ADAMTSL1: variants seen among roughly 807,000 people sequenced by gnomAD.
ADAMTSL1 encodes the protein ADAMTS like 1.
Under a neutral mutation model 201.8 loss-of-function variants are expected in ADAMTSL1, and 126 were observed. That is an observed-to-expected ratio of 0.62 (90% confidence interval 0.54 to 0.72). The LOEUF is 0.72. Among genes scored for constraint, ADAMTSL1 ranks in the 30% least tolerant of loss-of-function variants. The probability of loss-of-function intolerance (pLI) is 0.00; values close to 1 mark genes in which losing one functional copy is unlikely to be tolerated. For synonymous variants in ADAMTSL1, 1,121 were observed against 903.4 expected, an observed-to-expected ratio of 1.24 and a Z score of -4.32; for missense variants, 2,679 against 2,277.8, an observed-to-expected ratio of 1.18 and a Z score of -3.59.
chr9:18,729,333 C>T (rs933142874), intron 15 of ADAMTSL1, among the ~76,000 whole-genome samples: 2 of 152,036 alleles, frequency 1.3e-5, no homozygotes, highest in Admixed American at 1.3e-4. Context: ...AGAAAAATAC[C>T]TTGAGTCAAA....
intron 15 of ADAMTSL1, among the ~76,000 whole-genome samples, chr9:18,750,888 A>C (rs1038898017): frequency 3.5e-4 from 54 of 152,214 alleles, no homozygotes; most frequent in African/African-American, 1.3e-3. Flanking sequence ...GGGAGGCTGC[A>C]GTTTCACACA....
intron 5 of ADAMTSL1, among the ~76,000 whole-genome samples, chr9:18,629,907 A>C (rs930919503): frequency 1.3e-5 from 2 of 152,124 alleles, no homozygotes; most frequent in South Asian, 4.1e-4. Context: ...GAACTTATGG[A>C]ACACCATTAT....
intron 2 of ADAMTSL1, among the ~76,000 whole-genome samples, chr9:18,402,228 C>T (rs1229995786): frequency 2.6e-5 from 4 of 152,192 alleles, no homozygotes; most frequent in African/African-American, 9.7e-5. Flanking sequence ...CTCTTCTACA[C>T]CAGCTGCCTA....
At chr9:18,268,818 GCAATTGGGTCATAGTT>G (rs1832241304) in intron 2 of ADAMTSL1, among the ~76,000 whole-genome samples, 1 of 152,090 alleles carries the variant, frequency 6.6e-6, no homozygotes, top group South Asian at 2.1e-4. Flanking sequence ...GGAAATAAAA[GCAATTGGGTCATAGTT>G]CATTAGATTT....
At chr9:18,308,034 G>A (rs1318059540) in intron 2 of ADAMTSL1, among the ~76,000 whole-genome samples, 1 of 152,104 alleles carries the variant, frequency 6.6e-6, no homozygotes, top group Admixed American at 6.5e-5. Flanking sequence ...TCAGGATTCA[G>A]AAACTCACTC....
intron 2 of ADAMTSL1, among the ~76,000 whole-genome samples, chr9:18,280,406 A>C (rs74530913): frequency 6.1e-5 from 4 of 65,652 alleles, no homozygotes; most frequent in African/African-American, 1.1e-4. Context: ...TTATCTCTCA[A>C]AAAAAAAAAA....
Position 18,573,068 on chromosome 9 carries a change from G to C in ADAMTSL1, c.238-962G>C, listed in dbSNP as rs547993079. ...TAGATAATGGCCATTGTTAGCCATA[G>C]TTTTACATTTTAAATTGCCCTTTAT... is the stretch of plus-strand genomic sequence containing the variant. On this transcript the variant is annotated intron_variant, in intron 3 of 28. Transcript: ENST00000380548. 3.3e-5 allele frequency among the ~76,000 whole-genome samples: 5 copies of C among 152,218 alleles called. No individual in the cohort carries two copies. In the South Asian group the frequency reaches 1.0e-3, roughly 32 times the overall value.
intron 1 of ADAMTSL1, among the ~76,000 whole-genome samples, chr9:18,077,603 C>T (rs991578834): frequency 9.2e-5 from 14 of 152,034 alleles, no homozygotes; most frequent in African/African-American, 2.4e-4. Flanking sequence ...TGGTCAGAGG[C>T]CACACTGGAG....
intron 2 of ADAMTSL1, among the ~76,000 whole-genome samples, chr9:18,425,259 TA>T (rs968806960): frequency 4.0e-5 from 6 of 151,834 alleles, no homozygotes; most frequent in Admixed American, 6.6e-5. Flanking sequence ...TGTTCTCACC[TA>T]AAAAAAGAAC....
intron 2 of ADAMTSL1, among the ~76,000 whole-genome samples, chr9:18,334,767 C>T (rs1053023630): frequency 6.6e-6 from 1 of 152,110 alleles, no homozygotes; most frequent in Non-Finnish European, 1.5e-5. Context: ...ATAAAGACTT[C>T]TCTCTTCTTT....
At chr9:18,220,845 G>A (rs1348808338) in intron 2 of ADAMTSL1, among the ~76,000 whole-genome samples, 2 of 151,552 alleles carry the variant, frequency 1.3e-5, no homozygotes, top group African/African-American at 2.4e-5. Flanking sequence ...CATGATCTAG[G>A]CTCACTGCAA....
At chr9:18,378,031 C>A (rs1837382237) in intron 2 of ADAMTSL1, among the ~76,000 whole-genome samples, 1 of 152,126 alleles carries the variant, frequency 6.6e-6, no homozygotes, top group South Asian at 2.1e-4. Flanking sequence ...TTCGATGAGC[C>A]CCCGATGATG....
intron 1 of ADAMTSL1, among the ~76,000 whole-genome samples, chr9:18,058,823 C>G (rs1383228247): frequency 1.3e-5 from 2 of 152,252 alleles, no homozygotes; most frequent in East Asian, 1.9e-4. Context: ...AAATCTTTTA[C>G]AAGAACAATT....
intron 1 of ADAMTSL1, among the ~76,000 whole-genome samples, chr9:17,986,630 A>G (rs902765378): frequency 7.9e-5 from 12 of 152,222 alleles, no homozygotes; most frequent in African/African-American, 2.6e-4. Flanking sequence ...AATGCATTTA[A>G]AATTATGCTA....
chr9:17,980,450 G>A (rs1414158679), intron 1 of ADAMTSL1, among the ~76,000 whole-genome samples: 2 of 151,732 alleles, frequency 1.3e-5, no homozygotes, highest in Non-Finnish European at 2.9e-5. Flanking sequence ...ATGGCCACTG[G>A]GTTTTAATTT....
intron 7 of ADAMTSL1, among the ~76,000 whole-genome samples, chr9:18,641,417 A>C (rs1254637570): frequency 6.6e-6 from 1 of 152,096 alleles, no homozygotes; most frequent in African/African-American, 2.4e-5. Context: ...TGACATCTCT[A>C]TTATACCCAC....
At chr9:18,250,770 C>T (rs73426941) in intron 2 of ADAMTSL1, among the ~76,000 whole-genome samples, 3,130 of 152,162 alleles carry the variant, frequency 0.021, 112 homozygotes, top group African/African-American at 0.071. Flanking sequence ...TTCCACACCC[C>T]GCTCCATGTT....
At chr9:18,765,921 G>A (rs1820329825) in intron 16 of ADAMTSL1, among the ~76,000 whole-genome samples, 1 of 152,132 alleles carries the variant, frequency 6.6e-6, no homozygotes, top group Admixed American at 6.5e-5. Context: ...AGCTGAGAAT[G>A]GAATTGAACC....
intron 13 of ADAMTSL1, among the ~76,000 whole-genome samples, chr9:18,687,936 G>A (rs930018503): frequency 6.6e-6 from 1 of 152,048 alleles, no homozygotes; most frequent in African/African-American, 2.4e-5. Flanking sequence ...AATAAATATG[G>A]AGATTGGCTC....
Sources: allele counts gnomAD v4.1 joint callset (sites outside exome capture counted in the v4.1 genomes callset), GRCh38; gene constraint gnomAD v4.1.1; transcripts MANE v1.5; gene names NCBI Gene and HGNC (gene_info 2026-07-23, HGNC 2026-07-21).